NDST3: variants seen among roughly 807,000 people sequenced by gnomAD.
NDST3 encodes the protein N-deacetylase and N-sulfotransferase 3.
In NDST3, 58 loss-of-function variants were observed where a neutral mutation model predicts 96.1. That is an observed-to-expected ratio of 0.60 (90% confidence interval 0.49 to 0.75). NDST3 has a LOEUF of 0.75. Among genes scored for constraint, NDST3 ranks in the 30% least tolerant of loss-of-function variants. The probability of loss-of-function intolerance (pLI) is 0.00; values close to 1 mark genes in which losing one functional copy is unlikely to be tolerated. For missense variants in NDST3, 788 were observed against 1,034.2 expected, an observed-to-expected ratio of 0.76 and a Z score of 3.27; for synonymous variants, 333 against 359.7, an observed-to-expected ratio of 0.93 and a Z score of 0.84.
intron 1 of NDST3, among the ~76,000 whole-genome samples, chr4:118,037,066 G>A (rs893852278): frequency 3.3e-5 from 5 of 152,096 alleles, no homozygotes; most frequent in African/African-American, 1.2e-4. Context: ...CAAGACAGGA[G>A]TGGCCTTGAA....
At position 118,240,593 on chromosome 4, in the gene NDST3, C is replaced by T. The variant is rs536026389; in HGVS notation, c.2188C>T (p.Arg730Cys). ...SFYEVISAGPRAPSELRALQK... is the reference protein window; with the variant it reads ...SFYEVISAGPCAPSELRALQK... ...CTACGAAGTGATCTCAGCAGGGCCC[C>T]GTGCACCCTCGGAGCTCAGAGCCTT... Residue 730 changes from arginine to cysteine, a missense_variant, in exon 11 of 14, where the codon CGT becomes TGT. Arg to Cys is a radical substitution (Grantham distance 180, BLOSUM62 -3). Coordinates refer to ENST00000296499, the MANE Select transcript of NDST3 (RefSeq NM_004784.3). 6 of 1,613,836 alleles carry T rather than the reference C, an allele frequency of 3.7e-6. No individual in the cohort carries two copies. Among genetic ancestry groups the T allele is most frequent in the East Asian group, 2.2e-5 (1 of 44,870 alleles).
intron 2 of NDST3, among the ~76,000 whole-genome samples, chr4:118,062,146 A>C (rs1444339341): frequency 6.6e-6 from 1 of 152,210 alleles, no homozygotes; most frequent in Non-Finnish European, 1.5e-5. Context: ...TTATGTAAGG[A>C]GGTGGCTTTA....
chr4:118,247,068 C>A (rs987476484), intron 12 of NDST3, among the ~76,000 whole-genome samples: 2 of 152,038 alleles, frequency 1.3e-5, no homozygotes, highest in Admixed American at 1.3e-4. Flanking sequence ...GGAATCTACC[C>A]CAGAATAAAT....
At chr4:118,098,334 T>C (rs1000499721) in intron 2 of NDST3, among the ~76,000 whole-genome samples, 4 of 152,022 alleles carry the variant, frequency 2.6e-5, no homozygotes, top group Non-Finnish European at 4.4e-5. Flanking sequence ...AATAGTTTCC[T>C]AGAGATACTA....
At chr4:118,215,886 G>C (rs752676780) in intron 6 of NDST3, among the ~76,000 whole-genome samples, 4 of 152,106 alleles carry the variant, frequency 2.6e-5, no homozygotes, top group Non-Finnish European at 5.9e-5. Flanking sequence ...AGTAGGGAGA[G>C]TGGAAACTGA....
At chr4:118,228,001 T>C (rs1740018356) in intron 8 of NDST3, among the ~76,000 whole-genome samples, 1 of 152,152 alleles carries the variant, frequency 6.6e-6, no homozygotes, top group Non-Finnish European at 1.5e-5. Context: ...TCCTGCATGA[T>C]AAATTATTTG....
intron 11 of NDST3, 102 bp from the exon 12 acceptor site, chr4:118,241,938 C>A: frequency 4.0e-6 from 3 of 745,862 alleles, no homozygotes; most frequent in Non-Finnish European, 4.6e-6. Context: ...CAATTCTGCT[C>A]AGGACAGTGT....
intron 6 of NDST3, among the ~76,000 whole-genome samples, chr4:118,151,051 G>T (rs9996857): frequency 0.026 from 4,015 of 151,794 alleles, 182 homozygotes; most frequent in African/African-American, 0.092. Context: ...GGAATACTAT[G>T]CAGCCATAAA....
intron 6 of NDST3, among the ~76,000 whole-genome samples, chr4:118,195,277 T>C (rs535101805): frequency 2.6e-5 from 4 of 152,298 alleles, no homozygotes; most frequent in Non-Finnish European, 5.9e-5. Context: ...TCACCTTGAA[T>C]TGTAATAGTC....
At chr4:118,168,370 A>G (rs1209588988) in intron 6 of NDST3, among the ~76,000 whole-genome samples, 1 of 152,004 alleles carries the variant, frequency 6.6e-6, no homozygotes. Flanking sequence ...GTCACTAATC[A>G]TCAATTTTTA....
intron 2 of NDST3, among the ~76,000 whole-genome samples, chr4:118,078,301 C>T (rs535878240): frequency 4.6e-5 from 7 of 152,226 alleles, no homozygotes; most frequent in South Asian, 4.1e-4. Context: ...AAATGACACA[C>T]GTGAACTGCT....
At chr4:118,249,967 T>G (rs574114176) in intron 12 of NDST3, among the ~76,000 whole-genome samples, 87 of 152,344 alleles carry the variant, frequency 5.7e-4, no homozygotes, top group African/African-American at 2.0e-3. Context: ...CCCCTAGGAA[T>G]CATCAAGCTA....
intron 6 of NDST3, among the ~76,000 whole-genome samples, chr4:118,145,127 T>A (rs1014932156): frequency 3.9e-5 from 6 of 152,184 alleles, no homozygotes; most frequent in South Asian, 2.1e-4. Flanking sequence ...AACTTACCTA[T>A]TTTCACAAAT....
chr4:118,193,602 C>T lies in NDST3; in HGVS notation c.1540-30889C>T, dbSNP rs904207106. ...CTGCAGATCTGCTGCTGGCACACAG[C>T]CAGCTGGGCCTTGGCGGCTTCGTTG... On this transcript the variant is annotated intron_variant, in intron 6 of 13. Coordinates refer to ENST00000296499, the MANE Select transcript of NDST3 (RefSeq NM_004784.3). The T allele has an allele frequency of 1.7e-5, 21 of 1,201,590 alleles. No homozygotes were observed. In the Admixed American group the frequency reaches 3.6e-4, roughly 20 times the overall value. The allele number at this position is 1,201,590 out of a possible 1,614,324, so 74.4% of individuals were successfully genotyped here.
At chr4:118,142,370 T>C (rs1733632436) in intron 5 of NDST3, among the ~76,000 whole-genome samples, 1 of 152,032 alleles carries the variant, frequency 6.6e-6, no homozygotes, top group Non-Finnish European at 1.5e-5. Flanking sequence ...CAATAGGTTG[T>C]ATTATATAAC....
At chr4:118,175,257 A>G (rs1736204637) in intron 6 of NDST3, among the ~76,000 whole-genome samples, 1 of 152,040 alleles carries the variant, frequency 6.6e-6, no homozygotes, top group Admixed American at 6.6e-5. Flanking sequence ...AACTCCCTTT[A>G]ACTGTAAAGC....
At chr4:118,253,063 T>G (rs1026757021) in intron 12 of NDST3, among the ~76,000 whole-genome samples, 3 of 152,196 alleles carry the variant, frequency 2.0e-5, no homozygotes, top group Non-Finnish European at 2.9e-5. Context: ...TCTATTACCT[T>G]CTAGTTGTAT....
intron 2 of NDST3, among the ~76,000 whole-genome samples, chr4:118,061,677 C>A (rs565107215): frequency 6.6e-6 from 1 of 152,010 alleles, no homozygotes. Flanking sequence ...AGATTTTTTT[C>A]ATCTATTTTG....
intron 6 of NDST3, among the ~76,000 whole-genome samples, chr4:118,221,469 GAATACTT>G (rs1208803025): frequency 1.3e-5 from 2 of 151,922 alleles, no homozygotes; most frequent in African/African-American, 2.4e-5. Flanking sequence ...TAAAGAAAGA[GAATACTT>G]ACTGCATTGT....
Sources: gnomAD v4.1 joint callset for allele counts (sites outside exome capture counted in the v4.1 genomes callset) on GRCh38, gnomAD v4.1.1 for gene constraint, MANE v1.5 for transcripts, NCBI Gene and HGNC (gene_info 2026-07-23, HGNC 2026-07-21) for gene names.